The following CACNG5 variants were observed in gnomAD, a reference collection of about 807,000 sequenced individuals.
The protein encoded by CACNG5 is calcium voltage-gated channel auxiliary subunit gamma 5.
In CACNG5, 18 loss-of-function variants were observed where a neutral mutation model predicts 24.8. The ratio of observed to expected loss-of-function variants is 0.73; its 90% confidence interval spans 0.50 to 1.08. The LOEUF is 1.08. Ranked by LOEUF, CACNG5 falls within the 50% of genes least tolerant of loss-of-function variation. CACNG5 has a pLI of 0.00. For missense variants in CACNG5, 349 were observed against 367.9 expected, an observed-to-expected ratio of 0.95 and a Z score of 0.42; for synonymous variants, 157 against 149.1, an observed-to-expected ratio of 1.05 and a Z score of -0.39.
At chr17:66,845,840 A>G (rs1209373237) in intron 1 of CACNG5, among the ~76,000 whole-genome samples, 1 of 152,162 alleles carries the variant, frequency 6.6e-6, no homozygotes, top group African/African-American at 2.4e-5. Flanking sequence ...AGTTATTAAG[A>G]CCTTCAAGGC....
At position 66,887,887 on chromosome 17, in the gene CACNG5, TC is replaced by T; in HGVS notation, c.*2649del. On this transcript the variant is annotated 3_prime_UTR_variant, in exon 6 of 6. Coordinates refer to ENST00000533854, the MANE Select transcript of CACNG5 (RefSeq NM_145811.3). Reference sequence around the variant, plus strand: ...CAATAATCACATCACCATCACAATTTCCTTTCTGTCTATAAATTCATCTCCG... The same window carrying T: ...CAATAATCACATCACCATCACAATTTCTTTCTGTCTATAAATTCATCTCCG... Among the ~76,000 whole-genome samples, 1 of 152,322 alleles carries T rather than the reference TC, an allele frequency of 6.6e-6. No individual in the cohort carries two copies. Among genetic ancestry groups the T allele is most frequent in the South Asian group, 2.1e-4 (1 of 4,818 alleles).
At chr17:66,851,357 C>G (rs986110592) in intron 1 of CACNG5, among the ~76,000 whole-genome samples, 1 of 152,198 alleles carries the variant, frequency 6.6e-6, no homozygotes, top group African/African-American at 2.4e-5. Context: ...ACCCAGAGTA[C>G]ATAGGATTCC....
chr17:66,849,885 T>C (rs1190383956), intron 1 of CACNG5, among the ~76,000 whole-genome samples: 2 of 152,228 alleles, frequency 1.3e-5, no homozygotes, highest in African/African-American at 4.8e-5. Flanking sequence ...TCCAAGCTCC[T>C]GGGTGTGTGA....
Position 66,886,867 on chromosome 17 carries a change from G to C in CACNG5, c.*1627G>C, listed in dbSNP as rs1353938297. Among the ~76,000 whole-genome samples, 2 of 152,182 alleles carry C rather than the reference G, an allele frequency of 1.3e-5. No homozygotes were observed. Among genetic ancestry groups the C allele is most frequent in the African/African-American group, 4.8e-5 (2 of 41,444 alleles). On this transcript the variant is annotated 3_prime_UTR_variant, in exon 6 of 6. Transcript: ENST00000533854. ...AGGATTGGTTTCTTCTGAGGCCTCTGTCCTTGGCTTGCAGACGGCTACCTT... is the reference window on the plus strand; with the variant it reads ...AGGATTGGTTTCTTCTGAGGCCTCTCTCCTTGGCTTGCAGACGGCTACCTT...
chr17:66,835,689 T>C (rs1976473980), intron 1 of CACNG5, among the ~76,000 whole-genome samples: 1 of 152,164 alleles, frequency 6.6e-6, no homozygotes, highest in Non-Finnish European at 1.5e-5. Context: ...TCCCCGCTTA[T>C]CACAGCCTGC....
At chr17:66,866,652 T>C (rs1208562730) in intron 1 of CACNG5, among the ~76,000 whole-genome samples, 3 of 152,060 alleles carry the variant, frequency 2.0e-5, no homozygotes, top group African/African-American at 7.2e-5. Flanking sequence ...CTGGTGTGTG[T>C]TTTTCCCCTC....
At chr17:66,850,890 G>A (rs1294943662) in intron 1 of CACNG5, among the ~76,000 whole-genome samples, 6 of 152,136 alleles carry the variant, frequency 3.9e-5, no homozygotes, top group Admixed American at 3.9e-4. Flanking sequence ...AAATCCCCAG[G>A]GAACTGAAAC....
intron 1 of CACNG5, among the ~76,000 whole-genome samples, chr17:66,873,603 G>T (rs1371117649): frequency 2.0e-5 from 3 of 152,150 alleles, no homozygotes; most frequent in Admixed American, 6.5e-5. Flanking sequence ...CATTCTCTCT[G>T]CAAGACTCAG....
intron 1 of CACNG5, among the ~76,000 whole-genome samples, chr17:66,874,252 G>A (rs561867999): frequency 3.3e-5 from 5 of 152,130 alleles, no homozygotes; most frequent in Admixed American, 6.5e-5. Context: ...AATGATAAAC[G>A]TTCAATGTAC....
chr17:66,855,610 G>T (rs926271901), intron 1 of CACNG5, among the ~76,000 whole-genome samples: 1 of 152,086 alleles, frequency 6.6e-6, no homozygotes, highest in Non-Finnish European at 1.5e-5. Context: ...TGCAACCTCT[G>T]CCTCCAGAGT....
rs1977351226 is a variant in CACNG5 at position 66,891,969 on chromosome 17, T to G, written c.*6729T>G. Among the ~76,000 whole-genome samples, 1 of 152,246 alleles carries G rather than the reference T, an allele frequency of 6.6e-6. No homozygotes were observed. The highest frequency in any genetic ancestry group is 1.5e-5 in the Non-Finnish European group (1 of 68,046). ...GGGTTTAGTCCCAGATCTCTGAAAT[T>G]TGTTTAAAGCTCTCCAGATGGTTCT... On this transcript the variant is annotated 3_prime_UTR_variant, in exon 6 of 6. Coordinates refer to ENST00000533854, the MANE Select transcript of CACNG5 (RefSeq NM_145811.3).
Position 66,877,392 on chromosome 17 carries a change from C to G in CACNG5, c.60C>G (p.Gly20=). 2 of 1,614,168 alleles carry G rather than the reference C, an allele frequency of 1.2e-6. No homozygotes were observed. The highest frequency in any genetic ancestry group is 1.7e-6 in the Non-Finnish European group (2 of 1,180,018). The stretch of plus-strand genomic sequence containing the variant: ...TGAGCAGTGTCTTTGCTGTCTGTGG[C>G]TTGGGCCTCCTGGGTATCGCGGTCA... ...TLLSSVFAVC[G]LGLLGIAVST... The change falls in exon 2 of 6, where the codon GGC becomes GGG. Residue 20 remains glycine (G), a synonymous_variant. Transcript: ENST00000533854.
chr17:66,867,171 A>G (rs1043183301), intron 1 of CACNG5, among the ~76,000 whole-genome samples: 7 of 152,168 alleles, frequency 4.6e-5, no homozygotes, highest in Admixed American at 2.6e-4. Flanking sequence ...TCTGACTGAC[A>G]TGAGATGGTA....
chr17:66,865,796 A>ATTTTTTTTTT (rs35187215), intron 1 of CACNG5, among the ~76,000 whole-genome samples: 1 of 129,842 alleles, frequency 7.7e-6, no homozygotes, highest in Non-Finnish European at 1.6e-5. Context: ...TGCACGGCTA[A>ATTTTTTTTTT]TTTTTTTTTT....
At chr17:66,864,642 A>G (rs187080552) in intron 1 of CACNG5, among the ~76,000 whole-genome samples, 2 of 152,226 alleles carry the variant, frequency 1.3e-5, no homozygotes, top group Non-Finnish European at 2.9e-5. Flanking sequence ...TTTTATTTCC[A>G]TTGATTGATT....
rs544333247 is a variant in CACNG5 at position 66,883,869 on chromosome 17, C to T, written c.425-647C>T. On this transcript the variant is annotated intron_variant, in intron 4 of 5. Transcript: ENST00000533854. ...AAATGCAGTGCCAGGCGCAGTGGCT[C>T]ACACCTGTAATCCCAGCACTTTGGG... Among the ~76,000 whole-genome samples the T allele has an allele frequency of 5.9e-5, 9 of 152,334 alleles. No individual in the cohort carries two copies. The East Asian group carries it at 1.2e-3, about 20-fold the overall frequency.
chr17:66,860,839 A>G (rs752885377), intron 1 of CACNG5, among the ~76,000 whole-genome samples: 1 of 151,024 alleles, frequency 6.6e-6, no homozygotes, highest in African/African-American at 2.4e-5. Context: ...TTAAAACATT[A>G]TATAAGACTT....
At position 66,884,858 on chromosome 17, in the gene CACNG5, G is replaced by A. The variant is rs775844521; in HGVS notation, c.571-125G>A. ...TCTCCTCCGGCCAGGATGTCCCCAGGACCCTGCTCCTGTCCCCACGTCCAC... is the reference window on the plus strand; with the variant it reads ...TCTCCTCCGGCCAGGATGTCCCCAGAACCCTGCTCCTGTCCCCACGTCCAC... On this transcript the variant is annotated intron_variant, in intron 5 of 5. Transcript: ENST00000533854. 8 of 1,613,292 alleles carry A rather than the reference G, an allele frequency of 5.0e-6. No homozygotes were observed. The Admixed American group carries it at 1.2e-4, about 24-fold the overall frequency.
At chr17:66,836,215 G>A (rs1006412537) in intron 1 of CACNG5, among the ~76,000 whole-genome samples, 2 of 152,168 alleles carry the variant, frequency 1.3e-5, no homozygotes, top group Non-Finnish European at 2.9e-5. Context: ...ATCAGTGACT[G>A]GGTTAGAGCA....
Sources: allele counts gnomAD v4.1 joint callset (sites outside exome capture counted in the v4.1 genomes callset), GRCh38; gene constraint gnomAD v4.1.1; transcripts MANE v1.5; gene names NCBI Gene and HGNC (gene_info 2026-07-23, HGNC 2026-07-21).